Variants in OSBP observed in about 807,000 individuals in gnomAD.
The protein encoded by OSBP is oxysterol binding protein.
In OSBP, 32 loss-of-function variants were observed where a neutral mutation model predicts 96.6. The ratio of observed to expected loss-of-function variants is 0.33; its 90% CI spans 0.25 to 0.45. The LOEUF is 0.45. Among genes scored for constraint, OSBP ranks in the 20% least tolerant of loss-of-function variants. The probability of loss-of-function intolerance (pLI) is 1.00; values close to 1 mark genes in which losing one functional copy is unlikely to be tolerated. For synonymous variants in OSBP, 369 were observed against 389.6 expected, an observed-to-expected ratio of 0.95 and a Z score of 0.62; for missense variants, 653 against 1,029.7, an observed-to-expected ratio of 0.63 and a Z score of 5.01.
At chr11:59,602,994 C>T (rs1472263629) in intron 3 of OSBP, among the ~76,000 whole-genome samples, 8 of 152,162 alleles carry the variant, frequency 5.3e-5, no homozygotes, top group African/African-American at 1.9e-4. Flanking sequence ...CCATCCCTAT[C>T]CCCTGTTTCT....
At chr11:59,595,996 T>A (rs575868144) in intron 7 of OSBP, among the ~76,000 whole-genome samples, 67 of 141,644 alleles carry the variant, frequency 4.7e-4, no homozygotes, top group Middle Eastern at 3.6e-3. Flanking sequence ...AATAAATAAA[T>A]AAAATTCATA....
intron 9 of OSBP, among the ~76,000 whole-genome samples, chr11:59,591,311 T>C (rs1282960628): frequency 6.6e-6 from 1 of 152,152 alleles, no homozygotes; most frequent in Non-Finnish European, 1.5e-5. Context: ...AGTCAAATTA[T>C]AGAGAAAATG....
chr11:59,583,950 T>G (rs1305906250), intron 9 of OSBP, among the ~76,000 whole-genome samples: 5 of 147,972 alleles, frequency 3.4e-5, no homozygotes, highest in Admixed American at 6.7e-5. Flanking sequence ...GTTTTTTTTT[T>G]TTTTTTTTTT....
intron 3 of OSBP, among the ~76,000 whole-genome samples, chr11:59,605,959 C>T (rs1405381026): frequency 6.6e-6 from 1 of 152,196 alleles, no homozygotes; most frequent in Non-Finnish European, 1.5e-5. Flanking sequence ...AGTTGGACTC[C>T]AGGCCCCAAG....
intron 5 of OSBP, 119 bp downstream of exon 5, chr11:59,601,164 A>G: frequency 1.6e-6 from 1 of 620,878 alleles, no homozygotes; most frequent in Non-Finnish European, 2.7e-6. Flanking sequence ...AATATTGACA[A>G]TTATAATACT....
At chr11:59,595,656 T>C (rs1378025476) in intron 7 of OSBP, among the ~76,000 whole-genome samples, 2 of 152,158 alleles carry the variant, frequency 1.3e-5, no homozygotes, top group East Asian at 3.9e-4. Flanking sequence ...AGTAATAAAC[T>C]TGGCCACGTG....
chr11:59,613,909 T>C (rs1261309692), intron 1 of OSBP, among the ~76,000 whole-genome samples: 1 of 152,070 alleles, frequency 6.6e-6, no homozygotes, highest in Non-Finnish European at 1.5e-5. Context: ...TACAGTGGAG[T>C]TGATGGAAAA....
intron 9 of OSBP, among the ~76,000 whole-genome samples, chr11:59,583,659 T>TCC (rs1475436186): frequency 1.5e-5 from 2 of 137,766 alleles, no homozygotes; most frequent in African/African-American, 6.0e-5. Context: ...TTTTTTTTTT[T>TCC]TCGAGATGGA....
At chr11:59,594,435 G>C (rs557098955) in intron 7 of OSBP, among the ~76,000 whole-genome samples, 180 bp from the exon 8 acceptor site, 1 of 152,280 alleles carries the variant, frequency 6.6e-6, no homozygotes, top group African/African-American at 2.4e-5. Flanking sequence ...TCTGTGAGTG[G>C]CAGAAATCAC....
At chr11:59,604,467 C>T (rs998554677) in intron 3 of OSBP, among the ~76,000 whole-genome samples, 4 of 152,142 alleles carry the variant, frequency 2.6e-5, no homozygotes, top group Admixed American at 6.5e-5. Flanking sequence ...TTTGGGAGGC[C>T]GAGGCAGGCA....
chr11:59,593,167 C>G (rs775295314), intron 9 of OSBP, among the ~76,000 whole-genome samples: 14 of 152,052 alleles, frequency 9.2e-5, no homozygotes, highest in Non-Finnish European at 1.5e-4. Context: ...TGATACCTAA[C>G]CCATCAGGTG....
chr11:59,581,107 C>A (rs1203195824), intron 10 of OSBP, among the ~76,000 whole-genome samples: 2 of 152,034 alleles, frequency 1.3e-5, no homozygotes, highest in African/African-American at 4.8e-5. Context: ...ACTTTGTATC[C>A]CCAGGACCTA....
intron 9 of OSBP, among the ~76,000 whole-genome samples, chr11:59,584,913 A>G (rs576379932): frequency 2.0e-5 from 3 of 152,318 alleles, no homozygotes; most frequent in Admixed American, 6.5e-5. Context: ...AAAAAAAGAA[A>G]TCCTGATAGA....
chr11:59,591,149 TATTTA>T (rs374037160), intron 9 of OSBP, among the ~76,000 whole-genome samples: 124 of 152,322 alleles, frequency 8.1e-4, no homozygotes, highest in South Asian at 1.2e-3. Flanking sequence ...GTTTTCCTGT[TATTTA>T]ATTTATTTTT....
intron 9 of OSBP, among the ~76,000 whole-genome samples, chr11:59,585,369 C>T (rs1372793131): frequency 1.5e-5 from 1 of 65,798 alleles, no homozygotes; most frequent in East Asian, 4.3e-4. Flanking sequence ...CCGGCCGCCC[C>T]GTCTGAGAAG....
chr11:59,608,171 GAGAAATTAAGGGACTC>G (rs1860806341), intron 3 of OSBP, among the ~76,000 whole-genome samples: 1 of 152,018 alleles, frequency 6.6e-6, no homozygotes, highest in Non-Finnish European at 1.5e-5. Context: ...TCACGACCTA[GAGAAATTAAGGGACTC>G]AGCTAATACT....
chr11:59,579,296 A>C (rs1860393032), intron 11 of OSBP, among the ~76,000 whole-genome samples: 1 of 150,770 alleles, frequency 6.6e-6, no homozygotes, highest in African/African-American at 2.4e-5. Context: ...ATCTTTTATT[A>C]GTCCTTCCTC....
At chr11:59,611,349 T>A (rs1184120556) in intron 1 of OSBP, among the ~76,000 whole-genome samples, 1 of 152,168 alleles carries the variant, frequency 6.6e-6, no homozygotes, top group Admixed American at 6.6e-5. Flanking sequence ...TCAGGAATTA[T>A]CTTTTACTTA....
At chr11:59,593,817 AC>A in intron 8 of OSBP, 93 bp from the exon 9 acceptor site, 4 of 1,530,562 alleles carry the variant, frequency 2.6e-6, no homozygotes, top group South Asian at 1.2e-5. Context: ...TTCACACTTG[AC>A]GTTTTTACAC....
Sources: allele counts gnomAD v4.1 joint callset (sites outside exome capture counted in the v4.1 genomes callset), GRCh38; gene constraint gnomAD v4.1.1; transcripts MANE v1.5; gene names NCBI Gene and HGNC (gene_info 2026-07-23, HGNC 2026-07-21).